The following DLC1 variants were observed in gnomAD, a reference collection of about 807,000 sequenced individuals.
The protein encoded by DLC1 is rho GTPase-activating protein 7.
In DLC1, 54 loss-of-function variants were observed where a neutral mutation model predicts 140.3. The observed-to-expected ratio is 0.38, with a 90% CI of 0.31 to 0.48. The LOEUF is 0.48. Ranked by LOEUF, DLC1 falls within the 20% of genes least tolerant of loss-of-function variation. The pLI is 0.96. For synonymous variants in DLC1, 986 were observed against 728.1 expected (o/e 1.35, Z -5.70); for missense variants, 2,536 against 1,907.0 (o/e 1.33, Z -6.14).
chr8:13,392,422 T>C (rs553757559), intron 4 of DLC1, among the ~76,000 whole-genome samples: 1 of 152,188 alleles, frequency 6.6e-6, no homozygotes, highest in Non-Finnish European at 1.5e-5. Context: ...ATTTAAGCCA[T>C]GCGTATCTGT....
chr8:13,268,573 C>T lies in DLC1; in HGVS notation c.1348+36696G>A, dbSNP rs143462900. 6.3e-3 allele frequency among the ~76,000 whole-genome samples: 953 copies of T among 152,222 alleles called. 10 individuals are homozygous for T. The highest frequency in any genetic ancestry group is 0.02 in the Middle Eastern group (6 of 294). ...CTAATTTTTAAATTATTTGTAATGA[C>T]GGAGTCTTGCTATGTTGCCCAGGTG... On this transcript the variant is annotated intron_variant, in intron 5 of 17. Transcript: ENST00000276297.
intron 2 of DLC1, among the ~76,000 whole-genome samples, chr8:13,408,712 A>G (rs2117286237): frequency 6.6e-6 from 1 of 152,322 alleles, no homozygotes; most frequent in Non-Finnish European, 1.5e-5. Flanking sequence ...ACATTATAGA[A>G]TATAGGATCA....
intron 2 of DLC1, among the ~76,000 whole-genome samples, chr8:13,496,830 T>C (rs1801536904): frequency 8.3e-6 from 1 of 119,848 alleles, no homozygotes; most frequent in Non-Finnish European, 1.6e-5. Flanking sequence ...AGATGGAGTT[T>C]CGCTGTGTCA....
intron 5 of DLC1, among the ~76,000 whole-genome samples, chr8:13,219,682 A>G (rs1393109885): frequency 1.3e-5 from 2 of 151,990 alleles, no homozygotes; most frequent in African/African-American, 2.4e-5. Flanking sequence ...CAAGAATTGT[A>G]TTGAAAAAAT....
chr8:13,238,211 A>C (rs775052089), intron 5 of DLC1, among the ~76,000 whole-genome samples: 9 of 152,158 alleles, frequency 5.9e-5, no homozygotes, highest in Non-Finnish European at 1.2e-4. Flanking sequence ...GGAAATTTAA[A>C]ATATAAATCT....
At position 13,429,592 on chromosome 8, in the gene DLC1, A is replaced by G. The variant is rs1298983917; in HGVS notation, c.1024-27973T>C. Among the ~76,000 whole-genome samples, 34 of 152,210 alleles carry G rather than the reference A, an allele frequency of 2.2e-4. 2 individuals are homozygous for G. The highest frequency in any genetic ancestry group is 2.2e-3 in the Admixed American group (34 of 15,280). ...CATTGAGCTTCCTAGCAGTGAAAGC[A>G]AAAAAGGGAAAGTTTTATCCTATGT... On this transcript the variant is annotated intron_variant, in intron 2 of 17. Transcript: ENST00000276297.
intron 7 of DLC1, among the ~76,000 whole-genome samples, chr8:13,110,226 T>C (rs374490205): frequency 1.3e-5 from 2 of 152,324 alleles, no homozygotes; most frequent in Middle Eastern, 3.4e-3. Flanking sequence ...CTGACGGTTT[T>C]ATTCAATTTC....
chr8:13,097,286 G>C (rs1034139301), intron 10 of DLC1, among the ~76,000 whole-genome samples: 15 of 123,428 alleles, frequency 1.2e-4, no homozygotes, highest in Non-Finnish European at 2.6e-4. Context: ...TTTTGAGATA[G>C]AGTCTTACTC....
intron 2 of DLC1, among the ~76,000 whole-genome samples, chr8:13,477,920 A>G (rs1273111502): frequency 1.3e-5 from 2 of 152,252 alleles, no homozygotes; most frequent in African/African-American, 4.8e-5. Context: ...GGTAATACCA[A>G]TAACATATTA....
chr8:13,511,111 A>C (rs1403350803), intron 1 of DLC1, among the ~76,000 whole-genome samples: 2 of 152,158 alleles, frequency 1.3e-5, no homozygotes, highest in Non-Finnish European at 2.9e-5. Flanking sequence ...TGAGTATCTA[A>C]ACCTGCTGTT....
In DLC1 at chr8:13,577,944, G is replaced by A. The variant is rs537784076; in HGVS notation, c.-126+26593C>T. On this transcript the variant is annotated intron_variant, in intron 1 of 1. Transcript: ENST00000631382. ...AGTCCTTGGATGTGCCACAGGAGGT[G>A]GGGACATAAGGGTGGAAGCATGAAT... is the stretch of plus-strand genomic sequence containing the variant. Among the ~76,000 whole-genome samples the A allele has an allele frequency of 2.0e-5, 3 of 152,112 alleles. No homozygotes were observed. The East Asian group carries it at 5.8e-4, about 29-fold the overall frequency.
chr8:13,339,081 G>C (rs760157956), intron 4 of DLC1, among the ~76,000 whole-genome samples: 1 of 152,180 alleles, frequency 6.6e-6, no homozygotes, highest in Admixed American at 6.5e-5. Context: ...AATGTTTGCA[G>C]AATGATTGGT....
At chr8:13,569,187 A>T (rs529204593) in intron 1 of DLC1, among the ~76,000 whole-genome samples, 2 of 152,336 alleles carry the variant, frequency 1.3e-5, no homozygotes, top group South Asian at 2.1e-4. Flanking sequence ...CTCTATAAAA[A>T]TATAAAACCA....
Position 13,083,909 on chromosome 8 carries a change from C to T in DLC1, c.*1902G>A, listed in dbSNP as rs934032074. 1 of 152,562 alleles carries T rather than the reference C, an allele frequency of 6.6e-6. No homozygotes were observed. The highest frequency in any genetic ancestry group is 6.6e-5 in the Admixed American group (1 of 15,260). 9.5% of individuals were successfully genotyped at this position (152,562 alleles called of 1,614,324 possible). ...TGAGATGCAATATTAAGGAAGGCAG[C>T]CCAGACTTTTCCCTTACTTTAAACA... On this transcript the variant is annotated 3_prime_UTR_variant, in exon 18 of 18. Coordinates refer to ENST00000276297, the MANE Select transcript of DLC1 (RefSeq NM_182643.3).
intron 5 of DLC1, among the ~76,000 whole-genome samples, chr8:13,235,948 A>T (rs1227554671): frequency 6.6e-6 from 1 of 150,680 alleles, no homozygotes; most frequent in Non-Finnish European, 1.5e-5. Flanking sequence ...ACTACTAGTA[A>T]GAAGCAGGAA....
At chr8:13,155,116 TC>T (rs1391164498) in intron 5 of DLC1, among the ~76,000 whole-genome samples, 1 of 146,696 alleles carries the variant, frequency 6.8e-6, no homozygotes, top group Non-Finnish European at 1.5e-5. Context: ...ATGCAAACTT[TC>T]TACAACTTGC....
Position 13,127,226 on chromosome 8 carries a change from T to C in DLC1, c.1349-11569A>G, listed in dbSNP as rs148932585. ...GAATGAACAGAAATTAATCTAATGG[T>C]CAAATTGTGATTCAGGTTCCTACAA... On this transcript the variant is annotated intron_variant, in intron 5 of 17. Coordinates refer to ENST00000276297, the MANE Select transcript of DLC1 (RefSeq NM_182643.3). 6.8e-4 allele frequency among the ~76,000 whole-genome samples: 104 copies of C among 152,338 alleles called. 2 individuals are homozygous for C. The highest frequency in any genetic ancestry group is 2.2e-3 in the Admixed American group (33 of 15,308).
rs376996403 is a variant in DLC1 at position 13,092,722 on chromosome 8, A to G, written c.3630T>C (p.Asp1210=). 136 of 1,613,998 alleles carry G rather than the reference A, an allele frequency of 8.4e-5. No homozygotes were observed. The highest frequency in any genetic ancestry group is 8.4e-5 in the Non-Finnish European group (99 of 1,180,040). The change falls in exon 13 of 18, where the codon GAT becomes GAC. Residue 1210 remains aspartate, a synonymous_variant. Coordinates refer to ENST00000276297, the MANE Select transcript of DLC1 (RefSeq NM_182643.3). The part of the protein sequence containing the change: ...VLQTLLYFLS[D]VTAAVKENQM... ...GGTTTTCTTTTACGGCTGCTGTGAC[A>G]TCGCTCAGGAAATAAAGCAGGGTCT...
At chr8:13,348,826 G>A (rs1247946215) in intron 4 of DLC1, among the ~76,000 whole-genome samples, 1 of 152,166 alleles carries the variant, frequency 6.6e-6, no homozygotes, top group Non-Finnish European at 1.5e-5. Flanking sequence ...TGGACTGTTG[G>A]CAGCTATGCT....
Sources: allele counts gnomAD v4.1 joint callset (sites outside exome capture counted in the v4.1 genomes callset), GRCh38; gene constraint gnomAD v4.1.1; transcripts MANE v1.5; gene names NCBI Gene and HGNC (gene_info 2026-07-23, HGNC 2026-07-21).